The following CNBD1 variants were observed in gnomAD, a reference collection of about 807,000 sequenced individuals.
The protein encoded by CNBD1 is cyclic nucleotide-binding domain-containing protein 1.
In CNBD1, 71 loss-of-function variants were observed where a neutral mutation model predicts 54.4. That is an observed-to-expected ratio of 1.30 (90% CI 1.08 to 1.59). The LOEUF is 1.59. CNBD1 is among the 40% of genes most tolerant of loss of function. The pLI, the probability that CNBD1 is intolerant of heterozygous loss-of-function variation, is 0.00. For missense variants in CNBD1, 659 were observed against 518.0 expected (o/e 1.27, Z -2.64); for synonymous variants, 182 against 170.7 (o/e 1.07, Z -0.51).
At chr8:87,326,753 C>A (rs1490666463) in intron 8 of CNBD1, among the ~76,000 whole-genome samples, 35 of 102,914 alleles carry the variant, frequency 3.4e-4, no homozygotes, top group Non-Finnish European at 5.7e-4. Context: ...GTTTGAATGT[C>A]CTCCCGTAGC....
Position 87,371,940 on chromosome 8 carries a change from C to A in CNBD1, c.1304-10680C>A, listed in dbSNP as rs924753213. On this transcript the variant is annotated intron_variant, in intron 10 of 10. Coordinates refer to ENST00000518476, the MANE Select transcript of CNBD1 (RefSeq NM_173538.3). ...TGAAAACTGGCACAAGACAGGGACG[C>A]CCTCTCTCACCACTCCTATTCAACA... is the stretch of plus-strand genomic sequence containing the variant. Among the ~76,000 whole-genome samples, 21 of 151,926 alleles carry A rather than the reference C, an allele frequency of 1.4e-4. 1 individual carries two copies. Among genetic ancestry groups the A allele is most frequent in the African/African-American group, 5.1e-4 (21 of 41,386 alleles).
At chr8:87,364,290 T>G (rs1810591127) in intron 10 of CNBD1, among the ~76,000 whole-genome samples, 1 of 151,686 alleles carries the variant, frequency 6.6e-6, no homozygotes, top group Non-Finnish European at 1.5e-5. Flanking sequence ...CAGAAAACAA[T>G]GATGACCTTG....
At chr8:87,075,864 G>A (rs967693098) in intron 4 of CNBD1, among the ~76,000 whole-genome samples, 1 of 152,024 alleles carries the variant, frequency 6.6e-6, no homozygotes, top group East Asian at 1.9e-4. Flanking sequence ...TGAACCCCTG[G>A]GGTTTTGGTA....
intron 4 of CNBD1, among the ~76,000 whole-genome samples, chr8:86,988,478 C>G (rs1025345430): frequency 2.0e-5 from 3 of 152,046 alleles, no homozygotes; most frequent in African/African-American, 7.2e-5. Context: ...AGGTATCCAT[C>G]AGGTGGGGTA....
intron 4 of CNBD1, among the ~76,000 whole-genome samples, chr8:87,138,998 TAGAGA>T (rs1448254279): frequency 1.3e-5 from 2 of 152,212 alleles, no homozygotes; most frequent in Non-Finnish European, 2.9e-5. Flanking sequence ...ATTAACAGGT[TAGAGA>T]AGAGGAGATA....
intron 4 of CNBD1, among the ~76,000 whole-genome samples, chr8:87,052,530 A>T (rs888655075): frequency 9.2e-5 from 14 of 152,186 alleles, no homozygotes; most frequent in Non-Finnish European, 1.6e-4. Context: ...GTATAGGATC[A>T]CTGGGGTTCC....
rs1226635678 is a variant in CNBD1, at chr8:87,099,799, G to A, written c.432-106194G>A. Among the ~76,000 whole-genome samples the A allele has an allele frequency of 5.3e-5, 8 of 152,298 alleles. No individual in the cohort carries two copies. The South Asian group carries it at 1.5e-3, about 28-fold the overall frequency. The stretch of plus-strand genomic sequence containing the variant: ...GAGATGTCTAACAGACTCTTAAGTG[G>A]AGAATTTAAATAGGCAGTTGGGTAA... On this transcript the variant is annotated intron_variant, in intron 4 of 10. Coordinates refer to ENST00000518476, the MANE Select transcript of CNBD1 (RefSeq NM_173538.3).
chr8:87,234,684 T>A (rs1351500038), intron 5 of CNBD1, among the ~76,000 whole-genome samples: 1 of 152,146 alleles, frequency 6.6e-6, no homozygotes, highest in Non-Finnish European at 1.5e-5. Context: ...TTTAGCATAA[T>A]TGTTCAGGGC....
chr8:87,095,263 G>C (rs1304229554), intron 4 of CNBD1, among the ~76,000 whole-genome samples: 1 of 152,204 alleles, frequency 6.6e-6, no homozygotes, highest in Non-Finnish European at 1.5e-5. Context: ...TTAGGACTAA[G>C]ACGTTGGTTA....
intron 4 of CNBD1, among the ~76,000 whole-genome samples, chr8:87,164,267 A>C (rs757943909): frequency 1.3e-5 from 2 of 151,604 alleles, no homozygotes; most frequent in Admixed American, 6.6e-5. Context: ...TTTTTTTGTA[A>C]AGTCTTTGTC....
At chr8:87,078,397 C>A (rs868151333) in intron 4 of CNBD1, among the ~76,000 whole-genome samples, 1 of 152,166 alleles carries the variant, frequency 6.6e-6, no homozygotes, top group South Asian at 2.1e-4. Context: ...CAAAGCAGTA[C>A]ATTTGTAGAT....
intron 4 of CNBD1, among the ~76,000 whole-genome samples, chr8:87,190,531 T>C (rs887494412): frequency 6.6e-6 from 1 of 152,168 alleles, no homozygotes; most frequent in Non-Finnish European, 1.5e-5. Context: ...CAATGTCTTA[T>C]ATATTTTTAA....
At chr8:87,379,698 A>G (rs986064095) in intron 10 of CNBD1, among the ~76,000 whole-genome samples, 4 of 151,974 alleles carry the variant, frequency 2.6e-5, no homozygotes, top group African/African-American at 9.7e-5. Context: ...CTGTCAGAAT[A>G]CCAGTAATTT....
At chr8:87,080,209 G>A (rs1422524749) in intron 4 of CNBD1, among the ~76,000 whole-genome samples, 1 of 152,056 alleles carries the variant, frequency 6.6e-6, no homozygotes, top group Non-Finnish European at 1.5e-5. Context: ...AATAAGCCTG[G>A]CAATCAGATA....
chr8:87,391,365 C>G (rs558284033), intron 2 of CNBD1, among the ~76,000 whole-genome samples: 12 of 152,176 alleles, frequency 7.9e-5, no homozygotes, highest in East Asian at 3.9e-4. Flanking sequence ...ACAAGCTAAT[C>G]CTAAAATTCG....
chr8:86,951,495 A>T (rs1206983702), intron 4 of CNBD1, among the ~76,000 whole-genome samples: 1 of 144,252 alleles, frequency 6.9e-6, no homozygotes, highest in Non-Finnish European at 1.5e-5. Context: ...CAGGAGAATC[A>T]CTTGAACCTG....
intron 4 of CNBD1, among the ~76,000 whole-genome samples, chr8:87,192,547 T>C (rs1239527975): frequency 6.6e-6 from 1 of 152,228 alleles, no homozygotes; most frequent in African/African-American, 2.4e-5. Context: ...TTACTCAGCA[T>C]ATCTAAACCT....
rs145969900 is a variant in CNBD1, at chr8:87,333,750, G to A, written c.1043-17935G>A. ...TCATGGTGGATAAGCTTTTTGATGT[G>A]CTTCTGGATTTGGTTTGCCAGCATT... On this transcript the variant is annotated intron_variant, in intron 8 of 10. Coordinates refer to ENST00000518476, the MANE Select transcript of CNBD1 (RefSeq NM_173538.3). 7.2e-5 allele frequency among the ~76,000 whole-genome samples: 11 copies of A among 152,248 alleles called. 1 individual carries two copies. Among genetic ancestry groups the A allele is most frequent in the Middle Eastern group, 3.4e-3 (1 of 294 alleles).
chr8:86,910,155 G>T (rs1249658035), intron 3 of CNBD1, among the ~76,000 whole-genome samples: 1 of 152,096 alleles, frequency 6.6e-6, no homozygotes, highest in Non-Finnish European at 1.5e-5. Context: ...AGGAACATAA[G>T]TTCCTCTGAG....
Sources: allele counts gnomAD v4.1 joint callset (sites outside exome capture counted in the v4.1 genomes callset), GRCh38; gene constraint gnomAD v4.1.1; transcripts MANE v1.5; gene names NCBI Gene and HGNC (gene_info 2026-07-23, HGNC 2026-07-21).